Variants in C5orf22 observed in about 807,000 individuals in gnomAD.
C5orf22 encodes UPF0489 protein C5orf22.
In C5orf22, 36 loss-of-function variants were observed where a neutral mutation model predicts 48.7. The ratio of observed to expected loss-of-function variants is 0.74; its 90% CI spans 0.57 to 0.98. The LOEUF (loss-of-function observed/expected upper bound fraction) is 0.98. Ranked by LOEUF, C5orf22 falls within the 50% of genes least tolerant of loss-of-function variation. The pLI is 0.00. For missense variants in C5orf22, 486 were observed against 521.9 expected (o/e 0.93, Z 0.67); for synonymous variants, 141 against 180.8 (o/e 0.78, Z 1.76).
intron 3 of C5orf22, among the ~76,000 whole-genome samples, chr5:31,537,061 G>T (rs2150072177): frequency 6.6e-6 from 1 of 152,296 alleles, no homozygotes; most frequent in South Asian, 2.1e-4. Flanking sequence ...TAATTCAAAA[G>T]AAATAATTAA....
In C5orf22 at chr5:31,534,361, C is replaced by T. The variant is rs774727680; in HGVS notation, c.171C>T (p.Leu57=). 5.0e-5 allele frequency: 81 copies of T among 1,613,760 alleles called. 1 individual carries two copies. In the East Asian group the frequency reaches 1.8e-3, roughly 35 times the overall value. The stretch of plus-strand genomic sequence containing the variant: ...TACATTTCGACTCACATCCAGACCT[C>T]CTTATTCCTGTGAATATGCCAGCAG... ...SFLHFDSHPD[L]LIPVNMPADT... is the part of the protein sequence containing the mutation. The change falls in exon 2 of 9, where the codon CTC becomes CTT. Residue 57 remains leucine, a synonymous_variant. Coordinates refer to ENST00000325366, the MANE Select transcript of C5orf22 (RefSeq NM_018356.3).
Position 31,548,726 on chromosome 5 carries a change from T to A in C5orf22, c.1060-2567T>A, listed in dbSNP as rs1003456859. The A allele has an allele frequency of 9.8e-5, 33 of 336,148 alleles. 1 individual carries two copies. In the Admixed American group the frequency reaches 1.0e-3, roughly 10 times the overall value. The allele number at this position is 336,148 out of a possible 1,614,324, so 20.8% of individuals were successfully genotyped here. Reference sequence around the variant, plus strand: ...AGTGCTCCACTCTACTGGTACCAATTTACTGTATTAGTCTGTTTTCACGCT... The same window carrying A: ...AGTGCTCCACTCTACTGGTACCAATATACTGTATTAGTCTGTTTTCACGCT... On this transcript the variant is annotated intron_variant, in intron 7 of 8. Coordinates refer to ENST00000325366, the MANE Select transcript of C5orf22 (RefSeq NM_018356.3).
chr5:31,552,682 T>C, intron 8 of C5orf22, 91 bp from the exon 9 acceptor site: 1 of 1,173,842 alleles, frequency 8.5e-7, no homozygotes, highest in Non-Finnish European at 1.2e-6. Context: ...TTAATTTCTG[T>C]TTTACATTGA....
At chr5:31,552,472 C>A (rs1249632845) in intron 8 of C5orf22, among the ~76,000 whole-genome samples, 1 of 152,172 alleles carries the variant, frequency 6.6e-6, no homozygotes, top group East Asian at 1.9e-4. Context: ...AAACAATGGT[C>A]TAGCAATCAA....
intron 7 of C5orf22, chr5:31,548,642 A>C (rs1743047447): frequency 2.4e-6 from 1 of 423,184 alleles, no homozygotes; most frequent in Admixed American, 2.5e-5. Flanking sequence ...AGCCCTCCAA[A>C]CTGTTCCAAC....
intron 4 of C5orf22, among the ~76,000 whole-genome samples, chr5:31,539,440 C>T (rs1180472475): frequency 6.6e-6 from 1 of 152,144 alleles, no homozygotes; most frequent in Non-Finnish European, 1.5e-5. Context: ...GTGTATCTTT[C>T]CAGCGATATT....
intron 1 of C5orf22, 61 bp from the exon 2 acceptor site, chr5:31,534,211 A>C: frequency 7.3e-7 from 1 of 1,366,668 alleles, no homozygotes; most frequent in South Asian, 1.3e-5. Context: ...TTCAGTCTGC[A>C]GTTGAGTGTG....
At position 31,533,648 on chromosome 5, in the gene C5orf22, T is replaced by C. The variant is rs1741867561; in HGVS notation, c.82-624T>C. Among the ~76,000 whole-genome samples the C allele has an allele frequency of 2.6e-5, 4 of 152,142 alleles. No homozygotes were observed. In the South Asian group the frequency reaches 8.3e-4, roughly 32 times the overall value. ...GATGTAAGAGGAGAAATGGCCTTTA[T>C]AGACCACCTAGCCCAACCCCACCAT... On this transcript the variant is annotated intron_variant, in intron 1 of 8. Coordinates refer to ENST00000325366, the MANE Select transcript of C5orf22 (RefSeq NM_018356.3).
intron 6 of C5orf22, among the ~76,000 whole-genome samples, chr5:31,543,293 C>T (rs757594688): frequency 1.3e-5 from 2 of 152,170 alleles, no homozygotes; most frequent in East Asian, 1.9e-4. Flanking sequence ...AATGGCCGGG[C>T]GTGGTGGCTC....
chr5:31,539,926 C>A (rs1310274737), intron 4 of C5orf22, among the ~76,000 whole-genome samples: 1 of 151,874 alleles, frequency 6.6e-6, no homozygotes, highest in Non-Finnish European at 1.5e-5. Context: ...GTGGCACGTG[C>A]CTGTGGTCCA....
intron 7 of C5orf22, among the ~76,000 whole-genome samples, chr5:31,546,528 T>C (rs893016614): frequency 3.9e-5 from 6 of 152,230 alleles, no homozygotes; most frequent in African/African-American, 1.2e-4. Flanking sequence ...AAGAGATGTC[T>C]ATTTTCACAC....
At chr5:31,547,945 CT>C (rs1158883360) in intron 7 of C5orf22, among the ~76,000 whole-genome samples, 1 of 152,198 alleles carries the variant, frequency 6.6e-6, no homozygotes, top group African/African-American at 2.4e-5. Context: ...ATGGAATTTT[CT>C]TTTCTTTAAC....
intron 4 of C5orf22, among the ~76,000 whole-genome samples, chr5:31,540,015 C>T (rs1418026201): frequency 6.6e-6 from 1 of 152,070 alleles, no homozygotes; most frequent in African/African-American, 2.4e-5. Context: ...CGCACCCCTG[C>T]ACTCCAGCCT....
chr5:31,552,203 A>G (rs1743323016), intron 8 of C5orf22, among the ~76,000 whole-genome samples: 1 of 152,174 alleles, frequency 6.6e-6, no homozygotes, highest in African/African-American at 2.4e-5. Flanking sequence ...ATCTGCCCCA[A>G]CCTACTTTGC....
intron 7 of C5orf22, among the ~76,000 whole-genome samples, chr5:31,549,085 G>A (rs762396631): frequency 2.6e-5 from 4 of 152,226 alleles, no homozygotes; most frequent in Admixed American, 6.5e-5. Context: ...CGGGCGTGGT[G>A]GCGCATCCCT....
chr5:31,551,255 C>T, intron 7 of C5orf22, 38 bp from the exon 8 acceptor site: 1 of 1,597,774 alleles, frequency 6.3e-7, no homozygotes, highest in East Asian at 2.2e-5. Flanking sequence ...ATAAAAACAA[C>T]TGTCATACAG....
chr5:31,538,516 G>A lies in C5orf22; in HGVS notation c.634G>A (p.Asp212Asn), dbSNP rs1327341091. 1.2e-6 allele frequency: 2 copies of A among 1,614,126 alleles called. No homozygotes were observed. Among genetic ancestry groups the A allele is most frequent in the Non-Finnish European group, 1.7e-6 (2 of 1,179,998 alleles). Residue 212 changes from aspartate to asparagine, a missense_variant, in exon 4 of 9, where the codon GAC (aspartate) becomes AAC (asparagine). By Grantham distance (23) the Asp-to-Asn change is conservative. Coordinates refer to ENST00000325366, the MANE Select transcript of C5orf22 (RefSeq NM_018356.3). Reference protein sequence around the residue: ...LEKDTATQRSDQTCLEPSCSC... With the variant: ...LEKDTATQRSNQTCLEPSCSC... ...AAAGGACACAGCAACACAGAGAAGT[G>A]ACCAGACTTGCCTAGAACCATCATG...
At chr5:31,547,723 C>A (rs1272355852) in intron 7 of C5orf22, among the ~76,000 whole-genome samples, 1 of 152,228 alleles carries the variant, frequency 6.6e-6, no homozygotes, top group Non-Finnish European at 1.5e-5. Context: ...CACAGGACAC[C>A]AAGTCCCTAG....
intron 4 of C5orf22, among the ~76,000 whole-genome samples, chr5:31,539,037 G>A (rs1742290870): frequency 6.6e-6 from 1 of 151,942 alleles, no homozygotes; most frequent in South Asian, 2.1e-4. Flanking sequence ...CTGTATCCGT[G>A]GGTTCTGTAT....
Sources: gnomAD v4.1 joint callset for allele counts (sites outside exome capture counted in the v4.1 genomes callset) on GRCh38, gnomAD v4.1.1 for gene constraint, MANE v1.5 for transcripts, NCBI Gene and HGNC (gene_info 2026-07-23, HGNC 2026-07-21) for gene names.